ADAMTS3: variants seen among roughly 807,000 people sequenced by gnomAD.
The protein encoded by ADAMTS3 is ADAM metallopeptidase with thrombospondin type 1 motif 3.
In ADAMTS3, 73 loss-of-function variants were observed where a neutral mutation model predicts 129.0. That is an observed-to-expected ratio of 0.57 (90% CI 0.47 to 0.69). The LOEUF is 0.69. ADAMTS3 is among the 30% of genes least tolerant of loss of function. The pLI is 0.00. For missense variants in ADAMTS3, 1,457 were observed against 1,514.5 expected, an observed-to-expected ratio of 0.96 and a Z score of 0.63; for synonymous variants, 477 against 510.8, an observed-to-expected ratio of 0.93 and a Z score of 0.89.
chr4:72,555,643 T>G (rs774681688), intron 2 of ADAMTS3, among the ~76,000 whole-genome samples: 2 of 151,856 alleles, frequency 1.3e-5, no homozygotes, highest in Non-Finnish European at 1.5e-5. Flanking sequence ...ATAAGATCTT[T>G]GGGTCAGAAA....
chr4:72,523,297 T>G (rs1179746467), intron 3 of ADAMTS3, among the ~76,000 whole-genome samples: 1 of 152,084 alleles, frequency 6.6e-6, no homozygotes, highest in Non-Finnish European at 1.5e-5. Context: ...ATCTCTTTGT[T>G]TATTTCTGAA....
At chr4:72,477,327 T>G (rs1304116448) in intron 3 of ADAMTS3, among the ~76,000 whole-genome samples, 2 of 151,958 alleles carry the variant, frequency 1.3e-5, no homozygotes, top group South Asian at 2.1e-4. Context: ...AGAACAGAAA[T>G]TATAACAAAC....
intron 3 of ADAMTS3, among the ~76,000 whole-genome samples, chr4:72,460,977 C>T (rs989481018): frequency 5.9e-5 from 9 of 151,386 alleles, no homozygotes; most frequent in African/African-American, 1.7e-4. Flanking sequence ...GCTAAATGTC[C>T]AATAATAAAG....
chr4:72,382,393 C>A (rs1266816739), intron 4 of ADAMTS3, among the ~76,000 whole-genome samples: 1 of 151,330 alleles, frequency 6.6e-6, no homozygotes, highest in Admixed American at 6.6e-5. Context: ...ATATTGAGTT[C>A]TGCTGGTTTG....
chr4:72,491,113 T>C (rs1448773431), intron 3 of ADAMTS3, among the ~76,000 whole-genome samples: 1 of 151,854 alleles, frequency 6.6e-6, no homozygotes, highest in Non-Finnish European at 1.5e-5. Context: ...ATTTTCTTTT[T>C]GGACAATTTG....
chr4:72,394,694 A>T lies in ADAMTS3; in HGVS notation c.661+20121T>A, dbSNP rs144447465. On this transcript the variant is annotated intron_variant, in intron 4 of 21. Transcript: ENST00000286657. ...TATTCAAAAGAAGTCATACTGAAGC[A>T]TGTTTCCCTCTCACCAAAACATCTT... Among the ~76,000 whole-genome samples the T allele has an allele frequency of 1.2e-4, 19 of 152,338 alleles. No homozygotes were observed. The East Asian group carries it at 2.9e-3, about 23-fold the overall frequency.
At chr4:72,316,855 C>A (rs553582116) in intron 10 of ADAMTS3, among the ~76,000 whole-genome samples, 8 of 152,056 alleles carry the variant, frequency 5.3e-5, no homozygotes, top group Non-Finnish European at 1.0e-4. Context: ...ATTTGATTCT[C>A]ATACCAATCC....
Position 72,288,881 on chromosome 4 carries a change from A to G in ADAMTS3, c.2932-13T>C, listed in dbSNP as rs1718581782. On this transcript the variant is annotated splice_polypyrimidine_tract_variant and intron_variant, in intron 20 of 21. Coordinates refer to ENST00000286657, the MANE Select transcript of ADAMTS3 (RefSeq NM_014243.3). ...AGGTCACTGAACACTGCAGAGACAA[A>G]GGCTGTGGTTACAGACATTTATTGC... 4 of 1,560,560 alleles carry G rather than the reference A, an allele frequency of 2.6e-6. No individual in the cohort carries two copies. The highest frequency in any genetic ancestry group is 2.7e-5 in the African/African-American group (2 of 73,522).
chr4:72,434,305 T>C (rs1198612708), intron 3 of ADAMTS3, among the ~76,000 whole-genome samples: 7 of 151,882 alleles, frequency 4.6e-5, no homozygotes, highest in Non-Finnish European at 1.0e-4. Flanking sequence ...TAAAACTAAA[T>C]TGCATTATTT....
intron 4 of ADAMTS3, among the ~76,000 whole-genome samples, chr4:72,367,479 A>G (rs1000972267): frequency 2.6e-5 from 4 of 152,192 alleles, no homozygotes; most frequent in Non-Finnish European, 5.9e-5. Context: ...GTACATATAT[A>G]TATACATACA....
At chr4:72,307,577 C>T (rs949391904) in intron 15 of ADAMTS3, among the ~76,000 whole-genome samples, 20 of 151,958 alleles carry the variant, frequency 1.3e-4, no homozygotes, top group African/African-American at 4.6e-4. Flanking sequence ...CCATAAGTCA[C>T]ATATTTTATT....
chr4:72,329,500 AC>A (rs1177390487), intron 5 of ADAMTS3, among the ~76,000 whole-genome samples: 2 of 152,318 alleles, frequency 1.3e-5, no homozygotes, highest in African/African-American at 4.8e-5. Context: ...CCAAGAGAGG[AC>A]ACACAGTGTT....
Position 72,548,813 on chromosome 4 carries a change from G to T in ADAMTS3, c.169C>A (p.Leu57Ile), listed in dbSNP as rs1444087701. The T allele has an allele frequency of 6.2e-7, 1 of 1,613,814 alleles. No individual in the cohort carries two copies. The highest frequency in any genetic ancestry group is 8.5e-7 in the Non-Finnish European group (1 of 1,179,878). Reference protein sequence around the residue: ...PVSTNLEGRYLSHTLSASHKK... With the variant: ...PVSTNLEGRYISHTLSASHKK... ...TGACTCGCAGAAAGAGTATGGGAGAGATAGCGTCCTTCTAGATTTGTGCTG... is the reference window on the plus strand; with the variant it reads ...TGACTCGCAGAAAGAGTATGGGAGATATAGCGTCCTTCTAGATTTGTGCTG... Residue 57 changes from leucine (L) to isoleucine (I), a missense_variant, in exon 3 of 22, where the codon CTC (leucine) becomes ATC (isoleucine). Coordinates refer to ENST00000286657, the MANE Select transcript of ADAMTS3 (RefSeq NM_014243.3).
intron 5 of ADAMTS3, chr4:72,330,608 A>G (rs1719820142): frequency 6.6e-6 from 1 of 152,220 alleles, no homozygotes; most frequent in South Asian, 2.1e-4. Context: ...TAAACCAACC[A>G]GCTCATGCAG....
chr4:72,491,064 A>AAGTTTAT (rs1719729749), intron 3 of ADAMTS3, among the ~76,000 whole-genome samples: 1 of 151,740 alleles, frequency 6.6e-6, no homozygotes, highest in Non-Finnish European at 1.5e-5. Flanking sequence ...TAAGTATTTT[A>AAGTTTAT]TTCTTTTTGT....
chr4:72,395,417 T>C (rs1010139225), intron 4 of ADAMTS3, among the ~76,000 whole-genome samples: 1 of 152,024 alleles, frequency 6.6e-6, no homozygotes, highest in African/African-American at 2.4e-5. Context: ...GTTTAGGCAA[T>C]TGGAAGTTCA....
At chr4:72,319,779 C>G in intron 8 of ADAMTS3, 79 bp downstream of exon 8, 4 of 1,201,544 alleles carry the variant, frequency 3.3e-6, no homozygotes, top group Non-Finnish European at 4.9e-6. Flanking sequence ...ATGCATTCTG[C>G]CCAAAGAGGA....
chr4:72,463,465 G>A (rs533797725), intron 3 of ADAMTS3, among the ~76,000 whole-genome samples: 2 of 152,006 alleles, frequency 1.3e-5, no homozygotes, highest in East Asian at 3.9e-4. Flanking sequence ...TGAAAGAAAA[G>A]ATTATATCTA....
intron 3 of ADAMTS3, among the ~76,000 whole-genome samples, chr4:72,474,318 T>C (rs946253940): frequency 6.6e-6 from 1 of 152,094 alleles, no homozygotes; most frequent in South Asian, 2.1e-4. Context: ...ATTACAAACA[T>C]ACTTGAAATA....
Sources: allele counts gnomAD v4.1 joint callset (sites outside exome capture counted in the v4.1 genomes callset), GRCh38; gene constraint gnomAD v4.1.1; transcripts MANE v1.5; gene names NCBI Gene and HGNC (gene_info 2026-07-23, HGNC 2026-07-21).